Variants in NXN observed in about 807,000 individuals in gnomAD.
NXN encodes nucleoredoxin 1.
In NXN, 16 loss-of-function variants were observed where a neutral mutation model predicts 48.6. That is an observed-to-expected ratio of 0.33 (90% confidence interval 0.22 to 0.50). The LOEUF (loss-of-function observed/expected upper bound fraction) is 0.50, where lower values mean the gene tolerates loss of function less well. Among genes scored for constraint, NXN ranks in the 20% least tolerant of loss-of-function variants. The pLI is 0.98. For synonymous variants in NXN, 281 were observed against 269.6 expected, an observed-to-expected ratio of 1.04 and a Z score of -0.41; for missense variants, 492 against 605.5, an observed-to-expected ratio of 0.81 and a Z score of 1.97.
In NXN at chr17:979,631, G is replaced by A; in HGVS notation, c.48C>T (p.Gly16=). ...EELLGEKLVT[G]GGEEVDVHSL... is the part of the protein sequence containing the mutation. Reference sequence around the variant, plus strand: ...AGTGCACGTCCACCTCCTCGCCGCCGCCCGTCACCAGCTTCTCGCCGAGCA... The same window carrying A: ...AGTGCACGTCCACCTCCTCGCCGCCACCCGTCACCAGCTTCTCGCCGAGCA... The change falls in exon 1 of 8, where the codon GGC becomes GGT. Residue 16 remains glycine (G), a synonymous_variant. Coordinates refer to ENST00000336868, the MANE Select transcript of NXN (RefSeq NM_022463.5). The A allele has an allele frequency of 6.8e-7, 1 of 1,467,544 alleles. No homozygotes were observed. Among genetic ancestry groups the A allele is most frequent in the South Asian group, 1.3e-5 (1 of 79,000 alleles). 90.9% of individuals were successfully genotyped at this position (1,467,544 alleles called of 1,614,324 possible).
At chr17:808,082 T>C (rs1911677830) in intron 5 of NXN, among the ~76,000 whole-genome samples, 1 of 152,244 alleles carries the variant, frequency 6.6e-6, no homozygotes, top group South Asian at 2.1e-4. Context: ...CAGAAGCTGC[T>C]GCTCTTCCTG....
rs116610684 is a variant in NXN, at chr17:807,539, G to A, written c.821-2292C>T. On this transcript the variant is annotated intron_variant, in intron 5 of 7. Coordinates refer to ENST00000336868, the MANE Select transcript of NXN (RefSeq NM_022463.5). ...TGTGGCTGCAGCCTCTTTTGAGTCC[G>A]TGCCTGCGGGGCCCAGGACAGCATG... 7.2e-3 allele frequency among the ~76,000 whole-genome samples: 1,089 copies of A among 152,304 alleles called. 16 individuals carry two copies. The highest frequency in any genetic ancestry group is 0.024 in the African/African-American group (1,004 of 41,568).
chr17:827,572 A>G (rs1243729303), intron 1 of NXN, among the ~76,000 whole-genome samples: 3 of 152,340 alleles, frequency 2.0e-5, no homozygotes, highest in South Asian at 4.1e-4. Context: ...GCGGTGAGCC[A>G]GGATCACACC....
intron 1 of NXN, chr17:864,080 C>G: frequency 1.4e-6 from 2 of 1,435,924 alleles, no homozygotes; most frequent in African/African-American, 3.8e-5. Context: ...GGCACAGTTA[C>G]CGTTGCTCGG....
intron 1 of NXN, among the ~76,000 whole-genome samples, chr17:945,492 G>A (rs1175038115): frequency 5.9e-5 from 9 of 151,360 alleles, no homozygotes; most frequent in South Asian, 2.1e-4. Flanking sequence ...TTAGCCGGGC[G>A]TGGTGGCGGG....
At chr17:961,228 T>C (rs1170142225) in intron 1 of NXN, among the ~76,000 whole-genome samples, 1 of 152,032 alleles carries the variant, frequency 6.6e-6, no homozygotes, top group African/African-American at 2.4e-5. Flanking sequence ...AGCCCTTCTC[T>C]GCTAAAAATA....
At chr17:949,659 T>C (rs191975216) in intron 1 of NXN, among the ~76,000 whole-genome samples, 370 of 5,706 alleles carry the variant, frequency 0.065, 43 homozygotes, top group Middle Eastern at 0.25. Context: ...CCTCTCCCCG[T>C]TGCCTCCTCC....
intron 5 of NXN, 116 bp from the exon 6 acceptor site, chr17:805,363 C>T: frequency 9.0e-7 from 1 of 1,112,082 alleles, no homozygotes; most frequent in Non-Finnish European, 1.3e-6. Context: ...CCACCGAGGA[C>T]CTGGTACAGG....
At chr17:968,986 C>A (rs1039994139) in intron 1 of NXN, among the ~76,000 whole-genome samples, 1 of 151,354 alleles carries the variant, frequency 6.6e-6, no homozygotes, top group East Asian at 1.9e-4. Context: ...AGAAAAGAAG[C>A]AAAAAAATGA....
chr17:878,035 A>G (rs2068236559), intron 1 of NXN: 1 of 152,284 alleles, frequency 6.6e-6, no homozygotes, highest in South Asian at 2.1e-4. Context: ...CTAGACCTGG[A>G]AGCCCTGGGG....
intron 1 of NXN, among the ~76,000 whole-genome samples, chr17:948,822 C>A (rs1019483771): frequency 6.7e-6 from 1 of 150,042 alleles, no homozygotes; most frequent in Non-Finnish European, 1.5e-5. Context: ...CCTCCTCTCC[C>A]CGCGGCCTCC....
intron 1 of NXN, chr17:896,986 C>T: frequency 8.6e-7 from 1 of 1,164,654 alleles, no homozygotes; most frequent in African/African-American, 1.7e-5. Context: ...CTAGGAAAGT[C>T]CCCGCGGCAG....
In NXN at chr17:818,672, T is replaced by C. The variant is rs971621898; in HGVS notation, c.820+767A>G. On this transcript the variant is annotated intron_variant, in intron 5 of 7. Coordinates refer to ENST00000336868, the MANE Select transcript of NXN (RefSeq NM_022463.5). ...AGGTCGAGGCGGGCAGATCACGAGGTCAAGAGATCGAGACCATCCTGGCCA... is the reference window on the plus strand; with the variant it reads ...AGGTCGAGGCGGGCAGATCACGAGGCCAAGAGATCGAGACCATCCTGGCCA... Among the ~76,000 whole-genome samples, 6 of 152,026 alleles carry C rather than the reference T, an allele frequency of 3.9e-5. No homozygotes were observed. The South Asian group carries it at 1.0e-3, about 26-fold the overall frequency.
chr17:873,360 G>T lies in NXN; in HGVS notation c.361-47282C>A, dbSNP rs377686046. Among the ~76,000 whole-genome samples the T allele has an allele frequency of 2.6e-5, 4 of 152,004 alleles. No individual in the cohort carries two copies. In the East Asian group the frequency reaches 5.8e-4, roughly 22 times the overall value. Reference sequence around the variant, plus strand: ...ATAAATACAAAAATTAGCCAGGTGTGGTGGGGGGTGCCTGTAATCCCAGCT... The same window carrying T: ...ATAAATACAAAAATTAGCCAGGTGTTGTGGGGGGTGCCTGTAATCCCAGCT... On this transcript the variant is annotated intron_variant, in intron 1 of 7. Transcript: ENST00000336868.
intron 5 of NXN, among the ~76,000 whole-genome samples, chr17:818,812 G>A (rs961849207): frequency 1.3e-5 from 2 of 151,364 alleles, no homozygotes; most frequent in Admixed American, 1.3e-4. Flanking sequence ...GTGAACCCGG[G>A]AGGCGGAGCT....
intron 1 of NXN, among the ~76,000 whole-genome samples, chr17:861,383 C>T (rs2068038691): frequency 1.3e-5 from 2 of 152,192 alleles, no homozygotes; most frequent in Admixed American, 1.3e-4. Context: ...ATCCGCCCAC[C>T]TCGGCCTCCC....
At chr17:858,119 A>G (rs536541100) in intron 1 of NXN, among the ~76,000 whole-genome samples, 13 of 152,044 alleles carry the variant, frequency 8.6e-5, no homozygotes, top group Admixed American at 2.0e-4. Flanking sequence ...ACAGGTATGC[A>G]CCACCACACC....
intron 1 of NXN, among the ~76,000 whole-genome samples, chr17:884,379 TG>T (rs1216274732): frequency 3.3e-5 from 5 of 152,030 alleles, no homozygotes; most frequent in African/African-American, 1.2e-4. Flanking sequence ...CACTCCAGCC[TG>T]GGTGACAGGG....
At position 822,425 on chromosome 17, in the gene NXN, C is replaced by T. The variant is rs1347009899; in HGVS notation, c.645G>A (p.Leu215=). ...CPPCRSLTRV[L]VESYRKIKEA... is the part of the protein sequence containing the mutation. ...CCTTGATCTTCCGGTAGGATTCCAC[C>T]AGGACCCGGGTGAGGCTTCGGCAGG... is the stretch of plus-strand genomic sequence containing the variant. The change falls in exon 4 of 8, where the codon CTG becomes CTA. Residue 215 remains leucine (L), a synonymous_variant. Coordinates refer to ENST00000336868, the MANE Select transcript of NXN (RefSeq NM_022463.5). 1 of 1,613,956 alleles carries T rather than the reference C, an allele frequency of 6.2e-7. No individual in the cohort carries two copies. The highest frequency in any genetic ancestry group is 1.7e-5 in the Admixed American group (1 of 59,980).
Sources: gnomAD v4.1 joint callset for allele counts (sites outside exome capture counted in the v4.1 genomes callset) on GRCh38, gnomAD v4.1.1 for gene constraint, MANE v1.5 for transcripts, NCBI Gene and HGNC (gene_info 2026-07-23, HGNC 2026-07-21) for gene names.